Variants in GOLIM4 observed in about 807,000 individuals in gnomAD.
The protein encoded by GOLIM4 is 130 kDa golgi-localized phosphoprotein.
GOLIM4 carries 71 observed loss-of-function variants against 107.4 expected under a neutral mutation model. The observed-to-expected ratio is 0.66, with a 90% CI of 0.55 to 0.81. The LOEUF is 0.81. GOLIM4 is among the 30% of genes least tolerant of loss of function. GOLIM4 has a pLI of 0.00. For synonymous variants in GOLIM4, 327 were observed against 294.8 expected (o/e 1.11, Z -1.12); for missense variants, 830 against 826.1 (o/e 1.00, Z -0.06).
intron 1 of GOLIM4, among the ~76,000 whole-genome samples, chr3:168,051,212 G>A (rs1719624863): frequency 6.6e-6 from 1 of 152,028 alleles, no homozygotes; most frequent in South Asian, 2.1e-4. Flanking sequence ...GAGTGTGGGG[G>A]ATATGGGTGA....
Position 168,024,943 on chromosome 3 carries a change from C to T in GOLIM4, c.1776G>A (p.Val592=), listed in dbSNP as rs963494211. The T allele has an allele frequency of 2.5e-6, 4 of 1,613,798 alleles. No homozygotes were observed. Among genetic ancestry groups the T allele is most frequent in the Non-Finnish European group, 3.4e-6 (4 of 1,179,884 alleles). The change falls in exon 13 of 16, where the codon GTG becomes GTA. Residue 592 remains valine, a synonymous_variant. Coordinates refer to ENST00000470487, the MANE Select transcript of GOLIM4 (RefSeq NM_014498.5). ...ATCTGCTTACCACCAAATGTTCCTC[C>T]ACTTCTGTATTCTCTTGCTTTTGAT... The part of the protein sequence containing the change: ...QSNQKQENTE[V]EEHLVMAGNP...
rs917696620 is a variant in GOLIM4, at chr3:168,095,232, C to A, written c.54G>T (p.Leu18=). Residue 18 remains leucine, a synonymous_variant, in exon 1 of 16, where the codon CTG becomes CTT. Transcript: ENST00000470487. Reference sequence around the variant, plus strand: ...GAAAGCCGAACACGACGGTCAGCAGCAGCAGCGTCTGGAAAATCCGCTTCT... The same window carrying A: ...GAAAGCCGAACACGACGGTCAGCAGAAGCAGCGTCTGGAAAATCCGCTTCT... ...RKQKRIFQTL[L]LLTVVFGFLY... 3 of 1,613,510 alleles carry A rather than the reference C, an allele frequency of 1.9e-6. No individual in the cohort carries two copies. In the Admixed American group the frequency reaches 5.0e-5, roughly 27 times the overall value.
chr3:168,017,147 G>A (rs1213666674), intron 14 of GOLIM4, among the ~76,000 whole-genome samples: 1 of 152,118 alleles, frequency 6.6e-6, no homozygotes, highest in Non-Finnish European at 1.5e-5. Flanking sequence ...TCTGAATAAT[G>A]GTTAAAATTC....
chr3:168,042,954 C>T (rs2108245922), intron 5 of GOLIM4, among the ~76,000 whole-genome samples: 1 of 152,282 alleles, frequency 6.6e-6, no homozygotes, highest in South Asian at 2.1e-4. Context: ...TTTTCAGTTA[C>T]TACTGGCGAT....
intron 7 of GOLIM4, among the ~76,000 whole-genome samples, chr3:168,039,717 C>T (rs962803008): frequency 6.6e-6 from 1 of 152,166 alleles, no homozygotes; most frequent in African/African-American, 2.4e-5. Flanking sequence ...TTACAGCACA[C>T]AGAGCACTCA....
chr3:168,054,411 T>C (rs1258222747), intron 1 of GOLIM4, among the ~76,000 whole-genome samples: 1 of 152,176 alleles, frequency 6.6e-6, no homozygotes, highest in African/African-American at 2.4e-5. Flanking sequence ...TGCCTTTCCT[T>C]GAGCCTCACT....
At chr3:168,011,997 A>G (rs3954237) in intron 14 of GOLIM4, among the ~76,000 whole-genome samples, 18,968 of 138,100 alleles carry the variant, frequency 0.14, 3,413 homozygotes, top group African/African-American at 0.44. Flanking sequence ...CTCCTCCTCC[A>G]AAGGAACACA....
At chr3:168,072,096 C>T (rs1336080923) in intron 1 of GOLIM4, among the ~76,000 whole-genome samples, 1 of 152,170 alleles carries the variant, frequency 6.6e-6, no homozygotes, top group Non-Finnish European at 1.5e-5. Context: ...ACGTGGATCA[C>T]GCCCCAAATT....
At chr3:168,035,605 A>G (rs1188332804) in intron 8 of GOLIM4, among the ~76,000 whole-genome samples, 1 of 152,186 alleles carries the variant, frequency 6.6e-6, no homozygotes, top group African/African-American at 2.4e-5. Flanking sequence ...GATGAGACAC[A>G]TAAGCACATA....
intron 14 of GOLIM4, among the ~76,000 whole-genome samples, chr3:168,020,312 A>C (rs1201432136): frequency 1.3e-5 from 2 of 152,128 alleles, no homozygotes; most frequent in African/African-American, 2.4e-5. Flanking sequence ...CACAGATAGG[A>C]GTTTCAGACT....
chr3:168,030,131 T>C (rs1718238495), intron 9 of GOLIM4, 95 bp from the exon 10 acceptor site: 2 of 1,241,868 alleles, frequency 1.6e-6, no homozygotes, highest in Non-Finnish European at 2.3e-6. Context: ...GAGGCAGAGC[T>C]GGTTTATTAA....
At chr3:168,029,168 T>C in intron 11 of GOLIM4, 55 bp downstream of exon 11, 2 of 1,143,470 alleles carry the variant, frequency 1.7e-6, no homozygotes, top group Non-Finnish European at 2.6e-6. Flanking sequence ...ACTGATAATA[T>C]ACAATGTTAT....
intron 1 of GOLIM4, among the ~76,000 whole-genome samples, chr3:168,069,085 G>A (rs919849432): frequency 2.1e-4 from 32 of 151,884 alleles, no homozygotes; most frequent in African/African-American, 6.5e-4. Flanking sequence ...TGCTCACCTC[G>A]GCCTCTCAAA....
intron 1 of GOLIM4, among the ~76,000 whole-genome samples, chr3:168,078,501 T>C (rs756028410): frequency 1.3e-5 from 2 of 152,128 alleles, no homozygotes; most frequent in Non-Finnish European, 2.9e-5. Flanking sequence ...CACATCAGAA[T>C]TTAAAAATCA....
intron 8 of GOLIM4, among the ~76,000 whole-genome samples, chr3:168,036,579 A>T (rs532505099): frequency 6.6e-6 from 1 of 152,194 alleles, no homozygotes; most frequent in Non-Finnish European, 1.5e-5. Flanking sequence ...AGCAGTTCTC[A>T]AAGTTTGCTA....
chr3:168,026,669 C>G (rs2108223768), intron 12 of GOLIM4, among the ~76,000 whole-genome samples: 1 of 152,326 alleles, frequency 6.6e-6, no homozygotes, highest in Middle Eastern at 3.4e-3. Flanking sequence ...CTTTCTTGCT[C>G]TCTCCTGGAT....
At position 168,009,110 on chromosome 3, in the gene GOLIM4, G is replaced by GTCTC. The variant is rs1716837410; in HGVS notation, c.*1155_*1158dup. On this transcript the variant is annotated 3_prime_UTR_variant, in exon 16 of 16. Coordinates refer to ENST00000470487, the MANE Select transcript of GOLIM4 (RefSeq NM_014498.5). ...AAATCTTTATGCTTGCAACTGAAAT[G>GTCTC]TCTCTACTCCAAGGGAAGTTTCTGA... 1 of 151,878 alleles carries GTCTC rather than the reference G, an allele frequency of 6.6e-6. No homozygotes were observed. Among genetic ancestry groups the GTCTC allele is most frequent in the South Asian group, 2.1e-4 (1 of 4,818 alleles). 9.4% of individuals were successfully genotyped at this position (151,878 alleles called of 1,614,324 possible).
Position 168,048,299 on chromosome 3 carries a change from G to T in GOLIM4, c.254C>A (p.Ala85Glu). 1 of 1,463,392 alleles carries T rather than the reference G, an allele frequency of 6.8e-7. No individual in the cohort carries two copies. The highest frequency in any genetic ancestry group is 9.5e-7 in the Non-Finnish European group (1 of 1,053,972). The allele number at this position is 1,463,392 out of a possible 1,614,324, so 90.7% of individuals were successfully genotyped here. A position where few individuals can be genotyped will look rare whatever the true frequency, so the allele number is the denominator to read the frequency against. Residue 85 changes from alanine to glutamate, a missense_variant, in exon 2 of 16, where the codon GCA becomes GAA. Transcript: ENST00000470487. ...ATTATGTATTTACTTACCTTCCTTT[G>T]CTTTTTTATGTTCAAGTCTTTCTTT... is the stretch of plus-strand genomic sequence containing the variant. ...LQKERLEHKK[A>E]KEDFLVYKLE...
At chr3:168,071,682 G>T (rs560391447) in intron 1 of GOLIM4, among the ~76,000 whole-genome samples, 2 of 151,444 alleles carry the variant, frequency 1.3e-5, no homozygotes, top group Non-Finnish European at 2.9e-5. Flanking sequence ...AGAGAATGCC[G>T]ACTTCACTGA....
Sources: allele counts gnomAD v4.1 joint callset (sites outside exome capture counted in the v4.1 genomes callset), GRCh38; gene constraint gnomAD v4.1.1; transcripts MANE v1.5; gene names NCBI Gene and HGNC (gene_info 2026-07-23, HGNC 2026-07-21).